ZNF385D: variants seen among roughly 807,000 people sequenced by gnomAD.
ZNF385D encodes zinc finger protein 385D, also known as zinc finger protein 659.
A neutral mutation model predicts 35.8 loss-of-function variants in ZNF385D; 15 were observed. The observed-to-expected ratio is 0.42, with a 90% CI of 0.28 to 0.64. ZNF385D has a LOEUF of 0.64. Ranked by LOEUF, ZNF385D falls within the 30% of genes least tolerant of loss-of-function variation. The pLI, the probability that ZNF385D is intolerant of heterozygous loss-of-function variation, is 0.23. For missense variants in ZNF385D, 474 were observed against 494.6 expected, an observed-to-expected ratio of 0.96 and a Z score of 0.39; for synonymous variants, 212 against 186.8, an observed-to-expected ratio of 1.13 and a Z score of -1.10.
Position 22,025,434 on chromosome 3 carries a change from G to C in ZNF385D, c.325+143383C>G, listed in dbSNP as rs139937250. Among the ~76,000 whole-genome samples the C allele has an allele frequency of 1.7e-3, 258 of 152,220 alleles. 2 individuals carry two copies. The highest frequency in any genetic ancestry group is 6.0e-3 in the African/African-American group (249 of 41,570). The stretch of plus-strand genomic sequence containing the variant: ...GTGTGCTACACTCGAAAAGAACTTT[G>C]AGTTCTCTAATCTATATAAACAGCA... On this transcript the variant is annotated intron_variant, in intron 3 of 5. Coordinates refer to the ZNF385D transcript ENST00000494108.
chr3:21,683,587 A>C (rs2125320616), intron 1 of ZNF385D, among the ~76,000 whole-genome samples: 1 of 149,752 alleles, frequency 6.7e-6, no homozygotes, highest in Middle Eastern at 3.4e-3. Context: ...ACTGCACTCC[A>C]GCCTGGGTGA....
chr3:21,544,221 G>A (rs769860116), intron 3 of ZNF385D, among the ~76,000 whole-genome samples: 39 of 152,188 alleles, frequency 2.6e-4, no homozygotes, highest in Non-Finnish European at 5.3e-4. Flanking sequence ...TGGGTTTTGA[G>A]AACTATTTGC....
chr3:21,573,358 A>G (rs985935864), intron 2 of ZNF385D, among the ~76,000 whole-genome samples: 3 of 152,214 alleles, frequency 2.0e-5, no homozygotes, highest in Non-Finnish European at 4.4e-5. Flanking sequence ...TTAAAATAAC[A>G]AGATTATGGT....
intron 4 of ZNF385D, among the ~76,000 whole-genome samples, chr3:21,442,135 A>AT (rs1440303658): frequency 6.6e-6 from 1 of 152,202 alleles, no homozygotes; most frequent in Non-Finnish European, 1.5e-5. Flanking sequence ...TCCATAAAGC[A>AT]TAAGAAAGGA....
chr3:21,879,051 A>AT (rs1427110674), intron 3 of ZNF385D, among the ~76,000 whole-genome samples: 1 of 151,974 alleles, frequency 6.6e-6, no homozygotes, highest in African/African-American at 2.4e-5. Flanking sequence ...TGCCTTTGTT[A>AT]TTTTTCATCA....
chr3:21,666,628 G>C (rs1156332220), intron 1 of ZNF385D, among the ~76,000 whole-genome samples: 1 of 152,142 alleles, frequency 6.6e-6, no homozygotes, highest in Non-Finnish European at 1.5e-5. Context: ...TGTCCACTTG[G>C]TAGTGTATTG....
chr3:21,614,238 C>G (rs2064775135), intron 2 of ZNF385D, among the ~76,000 whole-genome samples: 1 of 152,102 alleles, frequency 6.6e-6, no homozygotes, highest in African/African-American at 2.4e-5. Flanking sequence ...AGATGGCCAC[C>G]TTGTTTCTCT....
upstream of ZNF385D, among the ~76,000 whole-genome samples, chr3:21,754,626 A>G (rs1322359593): frequency 6.6e-6 from 1 of 150,540 alleles, no homozygotes; most frequent in Admixed American, 6.6e-5. Flanking sequence ...TTTTTTTTCC[A>G]GTTTTAAAAT....
intron 2 of ZNF385D, among the ~76,000 whole-genome samples, chr3:22,240,183 CAAAAAAA>C (rs66663088): frequency 3.7e-4 from 6 of 16,170 alleles, no homozygotes; most frequent in Admixed American, 3.5e-3. Context: ...ACCCTGTCTC[CAAAAAAA>C]AAAAAAAAAA....
At chr3:21,905,838 A>C (rs1456987072) in intron 3 of ZNF385D, among the ~76,000 whole-genome samples, 1 of 152,168 alleles carries the variant, frequency 6.6e-6, no homozygotes, top group Non-Finnish European at 1.5e-5. Context: ...TGTACCTGAC[A>C]ATTATTTTAG....
chr3:21,496,607 A>ATATAT (rs1239758885), intron 4 of ZNF385D, among the ~76,000 whole-genome samples: 2 of 148,828 alleles, frequency 1.3e-5, no homozygotes, highest in Admixed American at 1.4e-4. Context: ...TATCTGATAT[A>ATATAT]CTTCAGGTCA....
chr3:22,061,471 G>A (rs1699683316), intron 3 of ZNF385D, among the ~76,000 whole-genome samples: 2 of 152,070 alleles, frequency 1.3e-5, no homozygotes, highest in Admixed American at 1.3e-4. Flanking sequence ...ATTCTCTCAA[G>A]AGCAGCTAGA....
chr3:21,706,814 TGATAGATA>T (rs67457933), intron 1 of ZNF385D, among the ~76,000 whole-genome samples: 12,052 of 150,246 alleles, frequency 0.08, 607 homozygotes, highest in African/African-American at 0.14. Flanking sequence ...AGATAATAGA[TGATAGATA>T]GATAGATAGA....
intron 4 of ZNF385D, among the ~76,000 whole-genome samples, chr3:21,475,306 C>T (rs1471681000): frequency 6.6e-6 from 1 of 152,038 alleles, no homozygotes; most frequent in Non-Finnish European, 1.5e-5. Context: ...TATTCTATAA[C>T]TATTTGTCTG....
At position 21,747,567 on chromosome 3, in the gene ZNF385D, T is replaced by C. The variant is rs2125544597; in HGVS notation, c.22+3328A>G. Among the ~76,000 whole-genome samples, 2 of 152,326 alleles carry C rather than the reference T, an allele frequency of 1.3e-5. 1 individual carries two copies. The highest frequency in any genetic ancestry group is 4.1e-4 in the South Asian group (2 of 4,828). On this transcript the variant is annotated intron_variant, in intron 1 of 7. Coordinates refer to ENST00000281523, the MANE Select transcript of ZNF385D (RefSeq NM_024697.3). Reference sequence around the variant, plus strand: ...ACATGACCACTGGCAACGACTCACCTATCCAGCAGTGGAGAAATGTGTCAG... The same window carrying C: ...ACATGACCACTGGCAACGACTCACCCATCCAGCAGTGGAGAAATGTGTCAG...
At chr3:21,794,220 A>C (rs908091859) in intron 3 of ZNF385D, among the ~76,000 whole-genome samples, 1 of 151,900 alleles carries the variant, frequency 6.6e-6, no homozygotes. Context: ...GGGGAGTAGG[A>C]GTGTAGTCAT....
At chr3:21,888,713 C>T (rs1698682618) in intron 3 of ZNF385D, among the ~76,000 whole-genome samples, 1 of 152,084 alleles carries the variant, frequency 6.6e-6, no homozygotes, top group Admixed American at 6.5e-5. Flanking sequence ...AAATGAGTAA[C>T]AGGATGTTAA....
chr3:21,976,252 A>T (rs1416419449), intron 3 of ZNF385D, among the ~76,000 whole-genome samples: 4 of 152,170 alleles, frequency 2.6e-5, no homozygotes, highest in Non-Finnish European at 2.9e-5. Flanking sequence ...CATTTTTTTT[A>T]GAGATATTAA....
intron 3 of ZNF385D, among the ~76,000 whole-genome samples, chr3:22,151,947 A>T (rs1459273923): frequency 1.3e-5 from 2 of 152,168 alleles, no homozygotes; most frequent in Middle Eastern, 3.4e-3. Context: ...TTATTTAATC[A>T]CTCAGGCACT....
Sources: gnomAD v4.1 joint callset for allele counts (sites outside exome capture counted in the v4.1 genomes callset) on GRCh38, gnomAD v4.1.1 for gene constraint, MANE v1.5 for transcripts, NCBI Gene and HGNC (gene_info 2026-07-23, HGNC 2026-07-21) for gene names.